LINS1: variants seen among roughly 807,000 people sequenced by gnomAD.
LINS1 encodes lines homolog 1.
LINS1 carries 27 observed loss-of-function variants against 41.6 expected under a neutral mutation model. The observed-to-expected ratio is 0.65, with a 90% CI of 0.48 to 0.89. The LOEUF is 0.89. LINS1 is among the 40% of genes least tolerant of loss of function. The probability of loss-of-function intolerance (pLI) is 0.00; values close to 1 mark genes in which losing one functional copy is unlikely to be tolerated. For synonymous variants in LINS1, 336 were observed against 312.9 expected, an observed-to-expected ratio of 1.07 and a Z score of -0.78; for missense variants, 955 against 884.1, an observed-to-expected ratio of 1.08 and a Z score of -1.02.
In LINS1 at chr15:100,580,856, A is replaced by C. The variant is rs1462258705; in HGVS notation, c.-14T>G. On this transcript the variant is annotated 5_prime_UTR_variant, in exon 2 of 7. Coordinates refer to ENST00000314742, the MANE Select transcript of LINS1 (RefSeq NM_001040616.3). ...GAAAACTTTCATTTTGACTTCCAAAATGTATCTTATAAGAAGGTCGACAAC... is the reference window on the plus strand; with the variant it reads ...GAAAACTTTCATTTTGACTTCCAAACTGTATCTTATAAGAAGGTCGACAAC... The C allele has an allele frequency of 1.1e-5, 18 of 1,607,448 alleles. No homozygotes were observed. Among genetic ancestry groups the C allele is most frequent in the Non-Finnish European group, 1.5e-5 (18 of 1,176,114 alleles).
intron 3 of LINS1, 38 bp downstream of exon 3, chr15:100,580,225 A>T (rs1411990764): frequency 7.0e-7 from 1 of 1,428,552 alleles, no homozygotes; most frequent in East Asian, 2.4e-5. Context: ...AAAAATTAAG[A>T]AAGAGAAATA....
At position 100,571,978 on chromosome 15, in the gene LINS1, C is replaced by T. The variant is rs1414527953; in HGVS notation, c.1310G>A (p.Trp437Ter). Residue 437 changes from tryptophan (W) to a stop codon, truncating the protein, a stop_gained, in exon 6 of 7, where the codon TGG (tryptophan) becomes TAG (stop). Transcript: ENST00000314742. LOFTEE classifies it high-confidence loss of function. ...PSLQLHNPCKWLSRVFIEQDD... is the reference protein window; with the variant it reads ...PSLQLHNPCK The stretch of plus-strand genomic sequence containing the variant: ...TTGTTCTATGAAAACCCGAGACAGC[C>T]ATTTGCACGGATTGTGTAATTGCAG... The T allele has an allele frequency of 3.7e-6, 6 of 1,614,174 alleles. No homozygotes were observed. The highest frequency in any genetic ancestry group is 5.1e-6 in the Non-Finnish European group (6 of 1,180,034).
chr15:100,569,383 T>C lies in LINS1; in HGVS notation c.2129A>G (p.Tyr710Cys). Residue 710 changes from tyrosine to cysteine, a missense_variant, in exon 7 of 7, where the codon TAC becomes TGC. Physicochemically the swap from Tyr to Cys is radical, Grantham distance 194. Transcript: ENST00000314742. Reference protein sequence around the residue: ...NDVVSEVGIFYRIVKCFQELQ... With the variant: ...NDVVSEVGIFCRIVKCFQELQ... ...TTCCTGGAAGCATTTTACTATTCTG[T>C]AAAATATTCCCACTTCAGAGACGAC... The C allele has an allele frequency of 2.5e-6, 4 of 1,614,066 alleles. No homozygotes were observed. Among genetic ancestry groups the C allele is most frequent in the Non-Finnish European group, 3.4e-6 (4 of 1,179,962 alleles).
At chr15:100,574,292 A>G (rs1188350252) in intron 4 of LINS1, 51 bp from the exon 5 acceptor site, 1 of 1,148,496 alleles carries the variant, frequency 8.7e-7, no homozygotes, top group East Asian at 2.4e-5. Context: ...TCTTCTTCAA[A>G]CAATTTTACA....
intron 1 of LINS1, among the ~76,000 whole-genome samples, chr15:100,590,198 T>C (rs1265634647): frequency 6.6e-6 from 1 of 152,218 alleles, no homozygotes; most frequent in Admixed American, 6.5e-5. Flanking sequence ...GAGAGTCTTA[T>C]CTTTGAATAT....
chr15:100,593,886 A>G (rs1467425313), intron 1 of LINS1, among the ~76,000 whole-genome samples: 1 of 152,226 alleles, frequency 6.6e-6, no homozygotes, highest in African/African-American at 2.4e-5. Flanking sequence ...GCAATTTCCC[A>G]ATATAAACTA....
rs59706908 is a variant in LINS1 at position 100,582,268 on chromosome 15, A to G, written c.-103-1323T>C. Among the ~76,000 whole-genome samples the G allele has an allele frequency of 6.4e-5, 7 of 109,582 alleles. 2 individuals carry two copies. The East Asian group carries it at 2.3e-3, about 36-fold the overall frequency. 71.9% of individuals were successfully genotyped at this position (109,582 alleles called of 152,430 possible). Reference sequence around the variant, plus strand: ...CTGTCTACACTATGGCCCACCAGCCAAGTCTTGGTCTTACACTGGGTCTTC... The same window carrying G: ...CTGTCTACACTATGGCCCACCAGCCGAGTCTTGGTCTTACACTGGGTCTTC... On this transcript the variant is annotated intron_variant, in intron 1 of 6. Transcript: ENST00000314742.
At chr15:100,586,817 T>C (rs2038820447) in intron 1 of LINS1, among the ~76,000 whole-genome samples, 1 of 152,128 alleles carries the variant, frequency 6.6e-6, no homozygotes, top group Non-Finnish European at 1.5e-5. Flanking sequence ...ATTTGGCTAA[T>C]TAATGTTTTC....
At position 100,580,806 on chromosome 15, in the gene LINS1, T is replaced by C. The variant is rs2038504246; in HGVS notation, c.37A>G (p.Lys13Glu). The change falls in exon 2 of 7, where the codon AAG becomes GAG. Residue 13 changes from lysine to glutamate, a missense_variant. By Grantham distance (56) the Lys-to-Glu change is moderately conservative. Transcript: ENST00000314742. ...VFCEVLEELY[K>E]KVLLGATLEN... is the part of the protein sequence containing the mutation. ...AGTGTGGCTCCAAGAAGTACCTTCT[T>C]GTATAACTCTTCTAAAACTTCACAG... The C allele has an allele frequency of 1.9e-6, 3 of 1,612,278 alleles. No individual in the cohort carries two copies. Among genetic ancestry groups the C allele is most frequent in the Admixed American group, 1.7e-5 (1 of 59,764 alleles).
rs74039427 is a variant in LINS1, at chr15:100,572,568, C to T, written c.1223-503G>A. On this transcript the variant is annotated intron_variant, in intron 5 of 6. Transcript: ENST00000314742. The stretch of plus-strand genomic sequence containing the variant: ...AGGTAGTTTGAACTACAATTTAAAA[C>T]TGAATTATATAACAGGTGCCATCTA... 7.7e-3 allele frequency: 7,717 copies of T among 998,942 alleles called. 430 individuals carry two copies. In the African/African-American group the frequency reaches 0.12, roughly 16 times the overall value. 61.9% of individuals were successfully genotyped at this position (998,942 alleles called of 1,614,324 possible).
chr15:100,589,224 A>C (rs2038933184), intron 1 of LINS1, among the ~76,000 whole-genome samples: 1 of 152,258 alleles, frequency 6.6e-6, no homozygotes, highest in Non-Finnish European at 1.5e-5. Flanking sequence ...AAAGACTATA[A>C]GAAAGCATGG....
intron 5 of LINS1, chr15:100,572,586 G>C (rs2037892135): frequency 4.0e-6 from 4 of 993,126 alleles, no homozygotes; most frequent in Non-Finnish European, 3.6e-6. Flanking sequence ...TATAACAGGT[G>C]CCATCTAGTG....
In LINS1 at chr15:100,571,909, T is replaced by C. The variant is rs1270671059; in HGVS notation, c.1379A>G (p.Tyr460Cys). ...LEAAKASLGIYLTLTRGCEAT... is the reference protein window; with the variant it reads ...LEAAKASLGICLTLTRGCEAT... The stretch of plus-strand genomic sequence containing the variant: ...ATACACTAACCTGGTCAGTGTTAAG[T>C]AGATGCCCAGTGATGCCTTGGCAGC... Residue 460 changes from tyrosine (Y) to cysteine (C), a missense_variant, in exon 6 of 7, where the codon TAC becomes TGC. Coordinates refer to ENST00000314742, the MANE Select transcript of LINS1 (RefSeq NM_001040616.3). The C allele has an allele frequency of 6.2e-7, 1 of 1,614,214 alleles. No homozygotes were observed. Among genetic ancestry groups the C allele is most frequent in the Non-Finnish European group, 8.5e-7 (1 of 1,180,032 alleles).
intron 1 of LINS1, among the ~76,000 whole-genome samples, chr15:100,593,571 G>A (rs1331709354): frequency 9.2e-6 from 1 of 108,932 alleles, no homozygotes; most frequent in East Asian, 3.0e-4. Context: ...GGGGGGGGGG[G>A]TGCTTAATTA....
At chr15:100,592,360 C>T (rs1281304307) in intron 1 of LINS1, among the ~76,000 whole-genome samples, 7 of 152,172 alleles carry the variant, frequency 4.6e-5, no homozygotes, top group Admixed American at 3.9e-4. Flanking sequence ...TGGATTTTTA[C>T]GGAGGCTTCT....
intron 6 of LINS1, 57 bp downstream of exon 6, chr15:100,571,837 T>C (rs1019447941): frequency 6.3e-7 from 1 of 1,589,608 alleles, no homozygotes; most frequent in Non-Finnish European, 8.6e-7. Flanking sequence ...TTCTCAGAAA[T>C]GTTTTCTGCT....
chr15:100,600,550 G>GAAAAAAAAAAAAA (rs1567106000), intron 1 of LINS1, among the ~76,000 whole-genome samples: 1 of 3,156 alleles, frequency 3.2e-4, no homozygotes, highest in Non-Finnish European at 1.0e-3. Flanking sequence ...CTGCTGTTAA[G>GAAAAAAAAAAAAA]CAAAAAAAAA....
chr15:100,583,501 T>C (rs1265802982), intron 1 of LINS1, among the ~76,000 whole-genome samples: 1 of 152,222 alleles, frequency 6.6e-6, no homozygotes, highest in Non-Finnish European at 1.5e-5. Context: ...GCATCCCATA[T>C]GATTGATTAA....
intron 3 of LINS1, 96 bp downstream of exon 3, chr15:100,580,167 T>A: frequency 1.1e-6 from 1 of 940,546 alleles, no homozygotes; most frequent in East Asian, 2.6e-5. Flanking sequence ...TGAGATCAGA[T>A]TGGGCAACAC....
Sources: allele counts gnomAD v4.1 joint callset (sites outside exome capture counted in the v4.1 genomes callset), GRCh38; gene constraint gnomAD v4.1.1; transcripts MANE v1.5; gene names NCBI Gene and HGNC (gene_info 2026-07-23, HGNC 2026-07-21).